NGEF: variants seen among roughly 807,000 people sequenced by gnomAD.
NGEF encodes the protein ephexin-1.
A neutral mutation model predicts 80.9 loss-of-function variants in NGEF; 31 were observed. The ratio of observed to expected loss-of-function variants is 0.38; its 90% CI spans 0.29 to 0.52. The LOEUF is 0.52. Among genes scored for constraint, NGEF ranks in the 20% least tolerant of loss-of-function variants. The pLI, the probability that NGEF is intolerant of heterozygous loss-of-function variation, is 0.84. For synonymous variants in NGEF, 371 were observed against 370.2 expected (o/e 1.00, Z -0.03); for missense variants, 709 against 926.2 (o/e 0.77, Z 3.04).
At chr2:232,982,926 G>A (rs970455953) in intron 1 of NGEF, among the ~76,000 whole-genome samples, 1 of 152,252 alleles carries the variant, frequency 6.6e-6, no homozygotes, top group Non-Finnish European at 1.5e-5. Flanking sequence ...GTCCCTGCAA[G>A]GGAAGGAGCT....
chr2:232,955,849 G>A (rs1283814881), intron 3 of NGEF, among the ~76,000 whole-genome samples: 3 of 152,194 alleles, frequency 2.0e-5, no homozygotes, highest in African/African-American at 4.8e-5. Context: ...TGACACTCGT[G>A]AAGATTTCAG....
At chr2:232,910,437 G>A (rs1692666874) in intron 5 of NGEF, among the ~76,000 whole-genome samples, 2 of 150,300 alleles carry the variant, frequency 1.3e-5, no homozygotes, top group South Asian at 4.3e-4. Context: ...ACCTCCTGCT[G>A]CATGGCGAGG....
intron 1 of NGEF, among the ~76,000 whole-genome samples, chr2:232,982,240 A>C (rs1046535887): frequency 5.3e-5 from 8 of 152,150 alleles, no homozygotes; most frequent in Admixed American, 6.5e-5. Context: ...GCATCCGTGG[A>C]GATTGTGGGG....
chr2:232,916,713 C>T (rs966226275), intron 5 of NGEF, among the ~76,000 whole-genome samples: 1 of 152,232 alleles, frequency 6.6e-6, no homozygotes, highest in Non-Finnish European at 1.5e-5. Flanking sequence ...AGGGTGAGTG[C>T]AAATGGCCGC....
chr2:232,956,958 A>C (rs1693845499), intron 3 of NGEF, among the ~76,000 whole-genome samples: 1 of 152,024 alleles, frequency 6.6e-6, no homozygotes, highest in African/African-American at 2.4e-5. Flanking sequence ...ATAGGAAGAT[A>C]AAAAGAGAAT....
intron 3 of NGEF, among the ~76,000 whole-genome samples, chr2:232,928,378 C>G (rs1030197468): frequency 6.6e-6 from 1 of 151,680 alleles, no homozygotes; most frequent in African/African-American, 2.4e-5. Flanking sequence ...GGCAGAGCTG[C>G]GGAGGCCCTG....
intron 5 of NGEF, among the ~76,000 whole-genome samples, chr2:232,899,115 G>C (rs140345101): frequency 2.6e-5 from 4 of 152,068 alleles, no homozygotes; most frequent in Non-Finnish European, 5.9e-5. Flanking sequence ...AGGTGGGTGT[G>C]AATGTGTGCA....
intron 5 of NGEF, among the ~76,000 whole-genome samples, chr2:232,918,383 G>A (rs1248940008): frequency 6.6e-6 from 1 of 152,144 alleles, no homozygotes; most frequent in Non-Finnish European, 1.5e-5. Context: ...TTACAGGTGT[G>A]AGCCACCACA....
At chr2:232,944,732 T>C (rs1415493517) in intron 3 of NGEF, among the ~76,000 whole-genome samples, 1 of 44,052 alleles carries the variant, frequency 2.3e-5, no homozygotes, top group South Asian at 6.7e-4. Flanking sequence ...TCCGAATATA[T>C]ATATATATAT....
intron 1 of NGEF, among the ~76,000 whole-genome samples, chr2:232,994,294 C>T (rs963186524): frequency 8.7e-5 from 13 of 149,856 alleles, no homozygotes; most frequent in Admixed American, 2.0e-4. Flanking sequence ...CACTTGAACC[C>T]GGGAGGCGGA....
intron 1 of NGEF, among the ~76,000 whole-genome samples, chr2:232,979,700 T>C (rs2106327014): frequency 6.6e-6 from 1 of 152,244 alleles, no homozygotes; most frequent in South Asian, 2.1e-4. Flanking sequence ...ATTCATTCAT[T>C]CACACCCCCT....
chr2:233,005,437 A>G (rs1307108029), intron 1 of NGEF, among the ~76,000 whole-genome samples: 1 of 152,232 alleles, frequency 6.6e-6, no homozygotes, highest in Non-Finnish European at 1.5e-5. Flanking sequence ...TTCCTGACCC[A>G]CAGGACCACT....
chr2:232,883,717 C>G (rs1206443772), intron 11 of NGEF, among the ~76,000 whole-genome samples: 1 of 152,202 alleles, frequency 6.6e-6, no homozygotes, highest in Admixed American at 6.5e-5. Context: ...GCTGAGCACT[C>G]GCTATGTATC....
At chr2:232,915,767 T>G (rs1466949535) in intron 5 of NGEF, among the ~76,000 whole-genome samples, 1 of 152,318 alleles carries the variant, frequency 6.6e-6, no homozygotes, top group East Asian at 1.9e-4. Flanking sequence ...CTTGGTTCAC[T>G]GCAACCTCTG....
At chr2:232,891,963 CA>C (rs1691897982) in intron 7 of NGEF, among the ~76,000 whole-genome samples, 1 of 14,734 alleles carries the variant, frequency 6.8e-5, no homozygotes, top group African/African-American at 1.9e-4. Context: ...TGCATGTCAG[CA>C]GGGATGGCAG....
rs774522354 is a variant in NGEF at position 232,970,360 on chromosome 2, A to G, written c.269-32T>C. ...CAATTCAGAAATGGAGCAAGTTAGA[A>G]GATACAGATCAACCCTTTTCAGGCA... On this transcript the variant is annotated intron_variant, in intron 2 of 14. Coordinates refer to ENST00000264051, the MANE Select transcript of NGEF (RefSeq NM_019850.3). 2.1e-6 allele frequency: 3 copies of G among 1,409,574 alleles called. No homozygotes were observed. The Admixed American group carries it at 5.5e-5, about 26-fold the overall frequency. The allele number at this position is 1,409,574 out of a possible 1,614,324, so 87.3% of individuals were successfully genotyped here.
At chr2:232,894,020 C>T (rs954669109) in intron 6 of NGEF, among the ~76,000 whole-genome samples, 17 of 152,334 alleles carry the variant, frequency 1.1e-4, no homozygotes, top group Non-Finnish European at 5.9e-5. Context: ...AGCGGGGCTG[C>T]GCCGGGCCCC....
At chr2:232,989,288 A>G (rs1038503620) in intron 1 of NGEF, among the ~76,000 whole-genome samples, 3 of 152,148 alleles carry the variant, frequency 2.0e-5, no homozygotes, top group Non-Finnish European at 4.4e-5. Flanking sequence ...TCTCTACTAA[A>G]AATACAAAAA....
chr2:232,980,128 G>A (rs528575235), intron 1 of NGEF, among the ~76,000 whole-genome samples: 2 of 152,304 alleles, frequency 1.3e-5, no homozygotes, highest in Admixed American at 6.5e-5. Context: ...AAGGATCAGA[G>A]CCAGGAGGGG....
Sources: gnomAD v4.1 joint callset for allele counts (sites outside exome capture counted in the v4.1 genomes callset) on GRCh38, gnomAD v4.1.1 for gene constraint, MANE v1.5 for transcripts, NCBI Gene and HGNC (gene_info 2026-07-23, HGNC 2026-07-21) for gene names.